Variants in ZNF429 observed in about 807,000 individuals in gnomAD.
ZNF429 encodes zinc finger protein 429.
A neutral mutation model predicts 56.8 loss-of-function variants in ZNF429; 53 were observed. The ratio of observed to expected loss-of-function variants is 0.93; its 90% CI spans 0.75 to 1.17. The LOEUF (loss-of-function observed/expected upper bound fraction) is 1.17. ZNF429 is among the 50% of genes most tolerant of loss of function. ZNF429 has a pLI of 0.00. For synonymous variants in ZNF429, 278 were observed against 264.7 expected (o/e 1.05, Z -0.49); for missense variants, 849 against 788.4 (o/e 1.08, Z -0.92).
rs1481705423 is a variant in ZNF429, at chr19:21,537,659, C to A, written c.1606C>A (p.Pro536Thr). 6.2e-7 allele frequency: 1 copy of A among 1,613,250 alleles called. No homozygotes were observed. Among genetic ancestry groups the A allele is most frequent in the African/African-American group, 1.3e-5 (1 of 74,814 alleles). The change falls in exon 4 of 4, where the codon CCT becomes ACT. Residue 536 changes from proline (P) to threonine (T), a missense_variant. Physicochemically the swap from Pro to Thr is conservative, Grantham distance 38. Coordinates refer to ENST00000358491, the MANE Select transcript of ZNF429 (RefSeq NM_001001415.4). ...TAAGAAAATTCATACTGGAGAGAAACCTTACAAATGTGAAGAATGTGGCAA... is the reference window on the plus strand; with the variant it reads ...TAAGAAAATTCATACTGGAGAGAAAACTTACAAATGTGAAGAATGTGGCAA... Reference protein sequence around the residue: ...QHKKIHTGEKPYKCEECGKAF... With the variant: ...QHKKIHTGEKTYKCEECGKAF...
chr19:21,520,398 G>C (rs2032948347), intron 1 of ZNF429, among the ~76,000 whole-genome samples: 1 of 151,954 alleles, frequency 6.6e-6, no homozygotes, highest in African/African-American at 2.4e-5. Flanking sequence ...AAGATATTTT[G>C]TTCTTTTTTC....
chr19:21,536,361 A>G lies in ZNF429; in HGVS notation c.308A>G (p.Tyr103Cys), dbSNP rs1265839339. 6.2e-7 allele frequency: 1 copy of G among 1,613,840 alleles called. No individual in the cohort carries two copies. Residue 103 changes from tyrosine to cysteine, a missense_variant, in exon 4 of 4, where the codon TAT becomes TGT. Physicochemically the swap from Tyr to Cys is radical, Grantham distance 194 (BLOSUM62 -2). Transcript: ENST00000358491. ...DSFQKVTLRRYDKRGHENLQL... is the reference protein window; with the variant it reads ...DSFQKVTLRRCDKRGHENLQL... ...TTCCAAAAAGTGACACTGAGGAGAT[A>G]TGATAAACGTGGACATGAGAACTTA...
At chr19:21,526,297 C>T (rs1289896128) in intron 1 of ZNF429, among the ~76,000 whole-genome samples, 1 of 151,834 alleles carries the variant, frequency 6.6e-6, no homozygotes, top group East Asian at 1.9e-4. Context: ...GTTTACACTA[C>T]ACCCATTTGT....
intron 1 of ZNF429, among the ~76,000 whole-genome samples, chr19:21,524,881 C>T (rs1244540889): frequency 6.6e-6 from 1 of 151,942 alleles, no homozygotes; most frequent in East Asian, 1.9e-4. Context: ...TGGTTGGTAC[C>T]CAGATGAGAG....
At chr19:21,511,603 A>G (rs1481037408) in intron 1 of ZNF429, among the ~76,000 whole-genome samples, 1 of 148,936 alleles carries the variant, frequency 6.7e-6, no homozygotes, top group Admixed American at 6.7e-5. Flanking sequence ...CTGGGCAGCC[A>G]GGCAGAGGGG....
intron 1 of ZNF429, among the ~76,000 whole-genome samples, chr19:21,520,065 G>A (rs1441530175): frequency 6.6e-6 from 1 of 152,048 alleles, no homozygotes; most frequent in African/African-American, 2.4e-5. Context: ...CACCATCTTG[G>A]CCAGGCTGGT....
In ZNF429 at chr19:21,537,814, T is replaced by C. The variant is rs113638455; in HGVS notation, c.1761T>C (p.His587=). 3,198 of 1,613,958 alleles carry C rather than the reference T, an allele frequency of 2.0e-3. 50 individuals are homozygous for C. In the African/African-American group the frequency reaches 0.035, roughly 18 times the overall value. Residue 587 remains histidine (H), a synonymous_variant, in exon 4 of 4, where the codon CAT becomes CAC. Transcript: ENST00000358491. ...ACCTTAGTAGTCATAAGAAAATTCA[T>C]AGTGGAGAGAAACCCTACAAATGTG... ...SSNLSSHKKI[H]SGEKPYKCEE...
At chr19:21,530,331 G>A in intron 2 of ZNF429, among the ~76,000 whole-genome samples, 1 of 151,960 alleles carries the variant, frequency 6.6e-6, no homozygotes, top group Non-Finnish European at 1.5e-5. Context: ...TCAGGAATTT[G>A]GTGGCCTAAA....
Position 21,530,704 on chromosome 19 carries a change from A to G in ZNF429, c.226+20A>G. 6.4e-7 allele frequency: 1 copy of G among 1,566,228 alleles called. No individual in the cohort carries two copies. The highest frequency in any genetic ancestry group is 8.7e-7 in the Non-Finnish European group (1 of 1,145,514). ...CCCCAGGTAGGTGAGAGTGAACACA[A>G]CAGACAACACAGATGAGAGGTCCCA... On this transcript the variant is annotated intron_variant, in intron 3 of 3. Coordinates refer to ENST00000358491, the MANE Select transcript of ZNF429 (RefSeq NM_001001415.4).
chr19:21,523,433 C>T (rs2033053787), intron 1 of ZNF429, among the ~76,000 whole-genome samples: 1 of 152,186 alleles, frequency 6.6e-6, no homozygotes, highest in African/African-American at 2.4e-5. Flanking sequence ...AATGAGAACA[C>T]AATTATGTCT....
intron 1 of ZNF429, chr19:21,505,983 A>C: frequency 2.1e-6 from 1 of 482,196 alleles, no homozygotes; most frequent in South Asian, 2.0e-5. Flanking sequence ...TTCCCTCCGC[A>C]GTGACTGTGC....
rs750658613 is a variant in ZNF429, at chr19:21,537,989, G to T, written c.1936G>T (p.Gly646Cys). Residue 646 changes from glycine to cysteine, a missense_variant, in exon 4 of 4, where the codon GGT becomes TGT. Physicochemically the swap from Gly to Cys is radical, Grantham distance 159 (BLOSUM62 -3). Coordinates refer to ENST00000358491, the MANE Select transcript of ZNF429 (RefSeq NM_001001415.4). ...LTQHKKIHRM[G>C]VVAHACNPST... ...TCAACATAAGAAAATTCATAGGATG[G>T]GTGTGGTGGCTCATGCCTGTAATCC... is the stretch of plus-strand genomic sequence containing the variant. The T allele has an allele frequency of 1.9e-5, 30 of 1,613,870 alleles. No homozygotes were observed. The South Asian group carries it at 2.3e-4, about 12-fold the overall frequency.
intron 1 of ZNF429, among the ~76,000 whole-genome samples, chr19:21,524,095 A>G (rs562625226): frequency 6.4e-4 from 98 of 152,228 alleles, no homozygotes; most frequent in Non-Finnish European, 1.1e-3. Context: ...ATCTTGTCCA[A>G]TGACCTGCTT....
intron 1 of ZNF429, among the ~76,000 whole-genome samples, chr19:21,519,667 T>G (rs1472441459): frequency 6.6e-6 from 1 of 152,210 alleles, no homozygotes; most frequent in African/African-American, 2.4e-5. Context: ...CTTGGCCCAG[T>G]CTCTGGATGT....
intron 1 of ZNF429, among the ~76,000 whole-genome samples, chr19:21,523,462 A>G (rs934060003): frequency 1.3e-5 from 2 of 152,238 alleles, no homozygotes; most frequent in Non-Finnish European, 2.9e-5. Context: ...TCTTTGAACC[A>G]TATAGTTATC....
At chr19:21,517,695 AG>A (rs1464221060) in intron 1 of ZNF429, among the ~76,000 whole-genome samples, 1 of 140,914 alleles carries the variant, frequency 7.1e-6, no homozygotes, top group African/African-American at 2.7e-5. Flanking sequence ...CATTTCTTTT[AG>A]ATTTTTTTTT....
Position 21,540,487 on chromosome 19 carries a change from A to G in ZNF429, c.*2409A>G, listed in dbSNP as rs890715714. Among the ~76,000 whole-genome samples the G allele has an allele frequency of 2.6e-5, 4 of 152,128 alleles. No individual in the cohort carries two copies. Among genetic ancestry groups the G allele is most frequent in the African/African-American group, 9.6e-5 (4 of 41,452 alleles). ...GAGGCATACAATATGTAATAATTAC[A>G]TCAATTACATCAGGGTAAATTATGT... On this transcript the variant is annotated 3_prime_UTR_variant, in exon 4 of 4. Transcript: ENST00000358491.
At position 21,523,103 on chromosome 19, in the gene ZNF429, C is replaced by T. The variant is rs557074780; in HGVS notation, c.4-6555C>T. On this transcript the variant is annotated intron_variant, in intron 1 of 3. Coordinates refer to ENST00000358491, the MANE Select transcript of ZNF429 (RefSeq NM_001001415.4). ...AGACCATGGAGCCAAGAAACCAAATCAGAGTAACACGTGTGCATTGAGTAG... is the reference window on the plus strand; with the variant it reads ...AGACCATGGAGCCAAGAAACCAAATTAGAGTAACACGTGTGCATTGAGTAG... 2.0e-5 allele frequency among the ~76,000 whole-genome samples: 3 copies of T among 152,258 alleles called. No homozygotes were observed. In the South Asian group the frequency reaches 6.2e-4, roughly 32 times the overall value.
rs1196803389 is a variant in ZNF429 at position 21,540,125 on chromosome 19, T to G, written c.*2047T>G. Among the ~76,000 whole-genome samples the G allele has an allele frequency of 6.6e-6, 1 of 152,244 alleles. No homozygotes were observed. The highest frequency in any genetic ancestry group is 1.5e-5 in the Non-Finnish European group (1 of 68,046). On this transcript the variant is annotated 3_prime_UTR_variant, in exon 4 of 4. Coordinates refer to ENST00000358491, the MANE Select transcript of ZNF429 (RefSeq NM_001001415.4). The stretch of plus-strand genomic sequence containing the variant: ...AGCTTTTATGTTATAAAATGCAGTA[T>G]ATTTCAAAATTTTTAAATTATATGT...
Sources: gnomAD v4.1 joint callset for allele counts (sites outside exome capture counted in the v4.1 genomes callset) on GRCh38, gnomAD v4.1.1 for gene constraint, MANE v1.5 for transcripts, NCBI Gene and HGNC (gene_info 2026-07-23, HGNC 2026-07-21) for gene names.